Variants in CFAP221 observed in about 807,000 individuals in gnomAD.
The protein encoded by CFAP221 is cilia and flagella associated protein 221, also known as cilia- and flagella-associated protein 221.
Under a neutral mutation model 113.1 loss-of-function variants are expected in CFAP221, and 97 were observed. The observed-to-expected ratio is 0.86, with a 90% CI of 0.73 to 1.02. The LOEUF (loss-of-function observed/expected upper bound fraction) is 1.02, where lower values mean the gene tolerates loss of function less well. Among genes scored for constraint, CFAP221 ranks in the 50% least tolerant of loss-of-function variants. The probability of loss-of-function intolerance (pLI) is 0.00; values close to 1 mark genes in which losing one functional copy is unlikely to be tolerated. For synonymous variants in CFAP221, 331 were observed against 354.4 expected, an observed-to-expected ratio of 0.93 and a Z score of 0.74; for missense variants, 1,025 against 1,013.4, an observed-to-expected ratio of 1.01 and a Z score of -0.16.
rs1052588117 is a variant in CFAP221 at position 119,630,443 on chromosome 2, C to T, written c.1732-127C>T. Reference sequence around the variant, plus strand: ...GTCCAAACCAACAATAGCCACAATCCGATGACTACAACATGGTGCTTGTCT... The same window carrying T: ...GTCCAAACCAACAATAGCCACAATCTGATGACTACAACATGGTGCTTGTCT... On this transcript the variant is annotated intron_variant, in intron 17 of 23. Transcript: ENST00000413369. 13 of 689,974 alleles carry T rather than the reference C, an allele frequency of 1.9e-5. No individual in the cohort carries two copies. In the East Asian group the frequency reaches 2.4e-4, roughly 13 times the overall value. The allele number at this position is 689,974 out of a possible 1,614,324, so 42.7% of individuals were successfully genotyped here.
At chr2:119,547,164 A>G (rs952966446) in intron 2 of CFAP221, among the ~76,000 whole-genome samples, 2 of 152,228 alleles carry the variant, frequency 1.3e-5, no homozygotes, top group Non-Finnish European at 2.9e-5. Context: ...AGAACTTGTC[A>G]AGTGAAAATT....
intron 19 of CFAP221, among the ~76,000 whole-genome samples, chr2:119,637,886 T>C (rs752974615): frequency 4.6e-5 from 7 of 152,236 alleles, no homozygotes; most frequent in Non-Finnish European, 8.8e-5. Context: ...AGCAGAAGCT[T>C]ATTTGCTTTT....
intron 7 of CFAP221, among the ~76,000 whole-genome samples, chr2:119,596,222 G>A (rs1161373488): frequency 6.6e-6 from 1 of 152,166 alleles, no homozygotes; most frequent in Non-Finnish European, 1.5e-5. Flanking sequence ...GGTTGGCTCG[G>A]ATGGGTGGTG....
intron 6 of CFAP221, among the ~76,000 whole-genome samples, chr2:119,581,613 A>G (rs890247944): frequency 2.0e-5 from 3 of 152,236 alleles, no homozygotes; most frequent in African/African-American, 7.2e-5. Flanking sequence ...TATGTGTCTA[A>G]TAAATTGGAG....
intron 13 of CFAP221, among the ~76,000 whole-genome samples, chr2:119,614,616 G>A (rs199761172): frequency 6.6e-6 from 1 of 152,142 alleles, no homozygotes. Flanking sequence ...TCACTATCAC[G>A]AGAACAGGAT....
chr2:119,560,943 C>T (rs192778192), intron 5 of CFAP221, among the ~76,000 whole-genome samples: 3 of 152,034 alleles, frequency 2.0e-5, no homozygotes, highest in African/African-American at 7.2e-5. Context: ...GATCAAGAAG[C>T]ACATTTCCTT....
intron 7 of CFAP221, among the ~76,000 whole-genome samples, chr2:119,597,177 G>T (rs1481084852): frequency 2.0e-5 from 3 of 152,180 alleles, no homozygotes; most frequent in Non-Finnish European, 2.9e-5. Context: ...CCCAGACCCT[G>T]TACATTATTT....
At position 119,561,951 on chromosome 2, in the gene CFAP221, C is replaced by T. The variant is rs1247401621; in HGVS notation, c.427-63C>T. The T allele has an allele frequency of 1.5e-5, 16 of 1,067,066 alleles. No individual in the cohort carries two copies. The East Asian group carries it at 4.2e-4, about 28-fold the overall frequency. 66.1% of individuals were successfully genotyped at this position (1,067,066 alleles called of 1,614,324 possible). A position where few individuals can be genotyped will look rare whatever the true frequency, so the allele number is the denominator to read the frequency against. The stretch of plus-strand genomic sequence containing the variant: ...AACAAGATAAGAAATAAAGCATCTA[C>T]AAGTTTGTCTAAAAGTTGTAGTCTT... On this transcript the variant is annotated intron_variant, in intron 5 of 23. Transcript: ENST00000413369.
intron 7 of CFAP221, among the ~76,000 whole-genome samples, chr2:119,588,855 G>T (rs1175228871): frequency 6.6e-6 from 1 of 152,152 alleles, no homozygotes; most frequent in Non-Finnish European, 1.5e-5. Flanking sequence ...TACAGCCATG[G>T]GACTGGACAC....
intron 19 of CFAP221, among the ~76,000 whole-genome samples, chr2:119,632,342 A>G (rs1027433214): frequency 2.0e-5 from 3 of 152,226 alleles, no homozygotes; most frequent in South Asian, 2.1e-4. Context: ...CCAGGAATAC[A>G]AGATTAATTT....
At chr2:119,652,128 T>A (rs1688166767) in intron 23 of CFAP221, 59 bp downstream of exon 23, 1 of 1,393,108 alleles carries the variant, frequency 7.2e-7, no homozygotes, top group East Asian at 2.4e-5. Context: ...TTGTTCTGCA[T>A]AAAGTACAAA....
chr2:119,628,062 A>C (rs187358196), intron 16 of CFAP221, among the ~76,000 whole-genome samples: 1 of 152,228 alleles, frequency 6.6e-6, no homozygotes, highest in Admixed American at 6.5e-5. Context: ...CTGCCCTGGA[A>C]CTGCGCCTGA....
intron 7 of CFAP221, among the ~76,000 whole-genome samples, chr2:119,596,376 C>T (rs1426694950): frequency 6.6e-6 from 1 of 152,154 alleles, no homozygotes; most frequent in South Asian, 2.1e-4. Flanking sequence ...GCTGTCTCCG[C>T]GATGTTAGGC....
At chr2:119,649,563 C>T (rs1688003256) in intron 22 of CFAP221, among the ~76,000 whole-genome samples, 2 of 152,124 alleles carry the variant, frequency 1.3e-5, no homozygotes, top group Non-Finnish European at 2.9e-5. Context: ...AAACAGAAGC[C>T]TAGGATCCAG....
chr2:119,558,821 CAAAAAT>C (rs1347194990), intron 3 of CFAP221, among the ~76,000 whole-genome samples: 1 of 151,982 alleles, frequency 6.6e-6, no homozygotes, highest in African/African-American at 2.4e-5. Context: ...GACCCTGTCT[CAAAAAT>C]AAAAAACAAA....
At chr2:119,574,445 G>C (rs549187309) in intron 6 of CFAP221, among the ~76,000 whole-genome samples, 1 of 152,144 alleles carries the variant, frequency 6.6e-6, no homozygotes, top group Non-Finnish European at 1.5e-5. Context: ...GAATTCCCAC[G>C]AATATTTAAG....
intron 6 of CFAP221, chr2:119,573,579 T>C (rs943734300): frequency 1.3e-5 from 2 of 152,312 alleles, no homozygotes; most frequent in African/African-American, 4.8e-5. Flanking sequence ...ACCTGTAGTC[T>C]CAGCTACTCA....
chr2:119,554,461 A>G (rs1296320144), intron 3 of CFAP221, among the ~76,000 whole-genome samples: 1 of 152,224 alleles, frequency 6.6e-6, no homozygotes, highest in Non-Finnish European at 1.5e-5. Flanking sequence ...ATTTTCCTTT[A>G]AGACAACCAG....
intron 7 of CFAP221, among the ~76,000 whole-genome samples, chr2:119,598,009 C>T (rs532486043): frequency 7.9e-5 from 12 of 152,286 alleles, no homozygotes; most frequent in Admixed American, 5.9e-4. Flanking sequence ...CAGCGTGAAT[C>T]GGCCTTAGGT....
Sources: allele counts gnomAD v4.1 joint callset (sites outside exome capture counted in the v4.1 genomes callset), GRCh38; gene constraint gnomAD v4.1.1; transcripts MANE v1.5; gene names NCBI Gene and HGNC (gene_info 2026-07-23, HGNC 2026-07-21).